Variants in IL15 observed in about 807,000 individuals in gnomAD.
The protein encoded by IL15 is interleukin-15.
Under a neutral mutation model 19.6 loss-of-function variants are expected in IL15, and 11 were observed. The ratio of observed to expected loss-of-function variants is 0.56; its 90% CI spans 0.35 to 0.93. IL15 has a LOEUF of 0.93. Among genes scored for constraint, IL15 ranks in the 40% least tolerant of loss-of-function variants. The pLI, the probability that IL15 is intolerant of heterozygous loss-of-function variation, is 0.01. For missense variants in IL15, 197 were observed against 186.5 expected (o/e 1.06, Z -0.33); for synonymous variants, 58 against 59.6 (o/e 0.97, Z 0.12).
Position 141,673,611 on chromosome 4 carries a change from G to C in IL15, c.-100+17304G>C, listed in dbSNP as rs566994985. ...CAGAGCGCTTGGCTATCAGATACAA[G>C]GTATTCGACTGTATCTGCCTCCGGA... On this transcript the variant is annotated intron_variant, in intron 2 of 7. Transcript: ENST00000320650. Among the ~76,000 whole-genome samples, 4 of 152,080 alleles carry C rather than the reference G, an allele frequency of 2.6e-5. No homozygotes were observed. The South Asian group carries it at 8.3e-4, about 31-fold the overall frequency.
At chr4:141,642,346 A>G (rs147456690) in intron 1 of IL15, among the ~76,000 whole-genome samples, 324 of 152,310 alleles carry the variant, frequency 2.1e-3, no homozygotes, top group African/African-American at 7.5e-3. Flanking sequence ...ACGGATCTTG[A>G]AATTGGTTCC....
chr4:141,653,440 G>C (rs1051178103), intron 1 of IL15, among the ~76,000 whole-genome samples: 1 of 152,086 alleles, frequency 6.6e-6, no homozygotes, highest in Non-Finnish European at 1.5e-5. Flanking sequence ...GTTTCAAAGC[G>C]CTTTCCAATT....
intron 2 of IL15, among the ~76,000 whole-genome samples, chr4:141,684,063 C>A (rs1019534844): frequency 6.6e-6 from 1 of 152,026 alleles, no homozygotes; most frequent in Admixed American, 6.6e-5. Context: ...GGTGAAAGAC[C>A]CTGTTGGGGA....
intron 2 of IL15, among the ~76,000 whole-genome samples, chr4:141,693,036 A>AAAAAAAAAAAAAAAAAAAAAAAAAT (rs1728972068): frequency 6.8e-6 from 1 of 147,912 alleles, no homozygotes; most frequent in Non-Finnish European, 1.5e-5. Context: ...AAAAAAAAAA[A>AAAAAAAAAAAAAAAAAAAAAAAAAT]AAAAAAGATA....
intron 1 of IL15, among the ~76,000 whole-genome samples, chr4:141,654,663 A>T (rs1263156404): frequency 6.6e-6 from 1 of 152,210 alleles, no homozygotes; most frequent in Non-Finnish European, 1.5e-5. Context: ...ATGTGGATAG[A>T]TAAGCTCTAA....
chr4:141,689,561 T>C lies in IL15; in HGVS notation c.-99-29805T>C, dbSNP rs919814712. Among the ~76,000 whole-genome samples, 9 of 151,938 alleles carry C rather than the reference T, an allele frequency of 5.9e-5. No individual in the cohort carries two copies. In the South Asian group the frequency reaches 1.0e-3, roughly 18 times the overall value. On this transcript the variant is annotated intron_variant, in intron 2 of 7. Coordinates refer to ENST00000320650, the MANE Select transcript of IL15 (RefSeq NM_000585.5). ...CCTTGAGCTAGATACAGAGTGCCGA[T>C]TGGTGTATTTACAATCCCTGAGCTA...
chr4:141,669,454 G>T (rs1372708986), intron 2 of IL15, among the ~76,000 whole-genome samples: 1 of 152,162 alleles, frequency 6.6e-6, no homozygotes, highest in African/African-American at 2.4e-5. Context: ...AGACTAAGTT[G>T]TTGCAAATAG....
intron 2 of IL15, among the ~76,000 whole-genome samples, chr4:141,702,072 C>T (rs1285605157): frequency 6.6e-6 from 1 of 152,192 alleles, no homozygotes; most frequent in Non-Finnish European, 1.5e-5. Flanking sequence ...ACAAGGATCT[C>T]TTCTCCAAGA....
chr4:141,664,342 AACACACACACACACACACAC>A (rs35153516), intron 2 of IL15, among the ~76,000 whole-genome samples: 196 of 131,022 alleles, frequency 1.5e-3, no homozygotes, highest in Middle Eastern at 3.8e-3. Flanking sequence ...TGGTGGGCAA[AACACACACACACACACACAC>A]ACACACACAC....
chr4:141,647,153 G>T lies in IL15; in HGVS notation c.-221-9033G>T, dbSNP rs540347666. Among the ~76,000 whole-genome samples the T allele has an allele frequency of 1.2e-4, 19 of 152,168 alleles. 1 individual carries two copies. Among genetic ancestry groups the T allele is most frequent in the African/African-American group, 4.6e-4 (19 of 41,532 alleles). The stretch of plus-strand genomic sequence containing the variant: ...TTTTGAGTGCCTAATATGGGCTGGG[G>T]ACTTTCCTAAATACTTGACTGGTCT... On this transcript the variant is annotated intron_variant, in intron 1 of 7. Transcript: ENST00000320650.
intron 1 of IL15, among the ~76,000 whole-genome samples, chr4:141,637,612 G>A (rs1179250035): frequency 6.6e-6 from 1 of 152,090 alleles, no homozygotes; most frequent in East Asian, 1.9e-4. Flanking sequence ...TAGTTCATTT[G>A]ACTTTATGTA....
At chr4:141,684,315 A>G (rs1009083200) in intron 2 of IL15, among the ~76,000 whole-genome samples, 1 of 152,118 alleles carries the variant, frequency 6.6e-6, no homozygotes, top group African/African-American at 2.4e-5. Context: ...AGTTTATCTA[A>G]TAGGTAAACG....
At chr4:141,652,263 G>C (rs1727433644) in intron 1 of IL15, among the ~76,000 whole-genome samples, 1 of 152,126 alleles carries the variant, frequency 6.6e-6, no homozygotes, top group African/African-American at 2.4e-5. Flanking sequence ...CCTATTGTGA[G>C]GACAGGATCT....
At chr4:141,656,106 G>A in intron 1 of IL15, 80 bp from the exon 2 acceptor site, 1 of 396,406 alleles carries the variant, frequency 2.5e-6, no homozygotes. Context: ...CAGGTATGTA[G>A]GTAACCATAA....
intron 2 of IL15, among the ~76,000 whole-genome samples, chr4:141,661,742 C>A (rs1048926584): frequency 6.6e-6 from 1 of 152,134 alleles, no homozygotes; most frequent in Non-Finnish European, 1.5e-5. Context: ...TTAGAAATGG[C>A]GAGCTCTGTT....
chr4:141,720,249 A>AAAT (rs1338846711), intron 3 of IL15, among the ~76,000 whole-genome samples: 1 of 152,158 alleles, frequency 6.6e-6, no homozygotes, highest in Non-Finnish European at 1.5e-5. Context: ...GCATCTGCAG[A>AAAT]AATATCTGTT....
intron 1 of IL15, 77 bp from the exon 2 acceptor site, chr4:141,656,109 A>G (rs576307462): frequency 2.5e-6 from 1 of 396,766 alleles, no homozygotes; most frequent in Non-Finnish European, 4.4e-6. Context: ...GTATGTAGGT[A>G]ACCATAAATC....
chr4:141,695,773 C>A (rs977233800), intron 2 of IL15, among the ~76,000 whole-genome samples: 14 of 151,986 alleles, frequency 9.2e-5, no homozygotes, highest in Admixed American at 3.9e-4. Context: ...GACTTTTGCC[C>A]ATTTTTCAAG....
intron 1 of IL15, among the ~76,000 whole-genome samples, chr4:141,641,889 GAAA>G (rs1727057528): frequency 6.7e-6 from 1 of 150,110 alleles, no homozygotes; most frequent in South Asian, 2.1e-4. Context: ...TAGAAACTTA[GAAA>G]GGTGCTAAGT....
Sources: gnomAD v4.1 joint callset for allele counts (sites outside exome capture counted in the v4.1 genomes callset) on GRCh38, gnomAD v4.1.1 for gene constraint, MANE v1.5 for transcripts, NCBI Gene and HGNC (gene_info 2026-07-23, HGNC 2026-07-21) for gene names.